DST: variants seen among roughly 807,000 people sequenced by gnomAD.
The protein encoded by DST is bullous pemphigoid antigen.
Under a neutral mutation model 875.2 loss-of-function variants are expected in DST, and 253 were observed. That is an observed-to-expected ratio of 0.29 (90% confidence interval 0.26 to 0.32). The LOEUF (loss-of-function observed/expected upper bound fraction) is 0.32. Among genes scored for constraint, DST ranks in the 10% least tolerant of loss-of-function variants. The pLI, the probability that DST is intolerant of heterozygous loss-of-function variation, is 1.00. For missense variants in DST, 8,287 were observed against 9,111.6 expected, an observed-to-expected ratio of 0.91 and a Z score of 3.68; for synonymous variants, 3,124 against 3,197.1, an observed-to-expected ratio of 0.98 and a Z score of 0.77.
At chr6:56,928,643 AT>A (rs1293321823) in intron 2 of DST, among the ~76,000 whole-genome samples, 6 of 152,214 alleles carry the variant, frequency 3.9e-5, no homozygotes, top group African/African-American at 1.4e-4. Flanking sequence ...ATATACAATA[AT>A]CACTATTTGC....
rs1447995870 is a variant in DST, at chr6:56,840,263, A to AG, written c.625+11133dup. ...ATATGGGTTAGTTTCCTTACACTTA[A>AG]GAAAAAAAATAAGATACTACTGTAT... On this transcript the variant is annotated intron_variant, in intron 4 of 103. Coordinates refer to ENST00000680361, the MANE Select transcript of DST (RefSeq NM_001374736.1). Among the ~76,000 whole-genome samples the AG allele has an allele frequency of 2.6e-5, 4 of 152,276 alleles. No individual in the cohort carries two copies. The East Asian group carries it at 7.7e-4, about 29-fold the overall frequency.
At position 56,471,278 on chromosome 6, in the gene DST, C is replaced by A. The variant is rs1287455499; in HGVS notation, c.22159-10G>T. Reference sequence around the variant, plus strand: ...TAGCAAATTCCCTCAGCTAAAAGGACAAAAAGTATTTTGATTGAGTTAATG... The same window carrying A: ...TAGCAAATTCCCTCAGCTAAAAGGAAAAAAAGTATTTTGATTGAGTTAATG... On this transcript the variant is annotated splice_polypyrimidine_tract_variant and intron_variant, in intron 94 of 103. Coordinates refer to ENST00000680361, the MANE Select transcript of DST (RefSeq NM_001374736.1). 6.4e-7 allele frequency: 1 copy of A among 1,565,048 alleles called. No individual in the cohort carries two copies. Among genetic ancestry groups the A allele is most frequent in the Admixed American group, 1.9e-5 (1 of 51,838 alleles).
At chr6:56,736,037 GT>G (rs560039474) in intron 4 of DST, among the ~76,000 whole-genome samples, 3 of 139,524 alleles carry the variant, frequency 2.2e-5, no homozygotes, top group South Asian at 2.1e-4. Flanking sequence ...TTTTTTGTTT[GT>G]TTTTTTTGTT....
chr6:56,570,977 A>T (rs781121216), intron 53 of DST, among the ~76,000 whole-genome samples: 1 of 152,210 alleles, frequency 6.6e-6, no homozygotes, highest in Admixed American at 6.5e-5. Context: ...ACGTTTATGG[A>T]TGGATAAACT....
intron 10 of DST, among the ~76,000 whole-genome samples, chr6:56,654,094 T>C (rs1165335440): frequency 6.6e-6 from 1 of 152,230 alleles, no homozygotes; most frequent in Admixed American, 6.5e-5. Flanking sequence ...GAACATTAAC[T>C]ATTGTAACTT....
At chr6:56,570,963 A>G (rs2097771775) in intron 53 of DST, among the ~76,000 whole-genome samples, 1 of 152,244 alleles carries the variant, frequency 6.6e-6, no homozygotes, top group African/African-American at 2.4e-5. Context: ...ACTATACTAC[A>G]GTCACGTTTA....
intron 3 of DST, among the ~76,000 whole-genome samples, chr6:56,884,612 C>T (rs1168454257): frequency 6.6e-6 from 1 of 151,962 alleles, no homozygotes; most frequent in Non-Finnish European, 1.5e-5. Flanking sequence ...GTAATTTCAT[C>T]ATTCCTTCTT....
At chr6:56,742,317 A>T (rs1329830819) in intron 4 of DST, 1 of 1,289,702 alleles carries the variant, frequency 7.8e-7, no homozygotes, top group East Asian at 5.5e-5. Context: ...AATCTTGATC[A>T]TTTTTCATGA....
intron 49 of DST, among the ~76,000 whole-genome samples, chr6:56,582,201 G>A (rs2098017178): frequency 6.7e-6 from 1 of 149,226 alleles, no homozygotes; most frequent in South Asian, 2.1e-4. Flanking sequence ...TATCACCCCT[G>A]ATATAGTTTG....
At chr6:56,933,735 T>C (rs1307422230) in intron 2 of DST, among the ~76,000 whole-genome samples, 1 of 152,112 alleles carries the variant, frequency 6.6e-6, no homozygotes, top group Non-Finnish European at 1.5e-5. Context: ...TGGGTCTTGT[T>C]TGAGTTTAAG....
intron 17 of DST, among the ~76,000 whole-genome samples, chr6:56,641,276 A>G (rs2098898372): frequency 6.6e-6 from 1 of 152,208 alleles, no homozygotes; most frequent in Non-Finnish European, 1.5e-5. Context: ...ACAGAAAACT[A>G]AAAAGCTGAA....
chr6:56,591,281 G>A (rs1325105713), intron 49 of DST, among the ~76,000 whole-genome samples: 1 of 152,204 alleles, frequency 6.6e-6, no homozygotes, highest in African/African-American at 2.4e-5. Flanking sequence ...CTGTATTTCT[G>A]AAAGAGCAGG....
chr6:56,866,013 G>A (rs1335348432), intron 3 of DST, among the ~76,000 whole-genome samples: 1 of 151,788 alleles, frequency 6.6e-6, no homozygotes. Context: ...TTGAGATGGA[G>A]TCTCACTCTG....
At chr6:56,588,629 T>G (rs1302560790) in intron 49 of DST, among the ~76,000 whole-genome samples, 1 of 152,238 alleles carries the variant, frequency 6.6e-6, no homozygotes, top group Non-Finnish European at 1.5e-5. Flanking sequence ...AATCAGCAAC[T>G]AAGTAAATAA....
chr6:56,554,684 CTG>C (rs1310995340), intron 60 of DST, among the ~76,000 whole-genome samples: 2 of 152,140 alleles, frequency 1.3e-5, no homozygotes, highest in Non-Finnish European at 2.9e-5. Context: ...AGGAATAAGT[CTG>C]AAACAGTTGC....
At position 56,598,710 on chromosome 6, in the gene DST, C is replaced by A; in HGVS notation, c.11695-1G>T. ...TTCCTTGCATATCTTTCTGTAATTCCTTATAACACAAAAGGAAAAAATATA... is the reference window on the plus strand; with the variant it reads ...TTCCTTGCATATCTTTCTGTAATTCATTATAACACAAAAGGAAAAAATATA... On this transcript the variant is annotated splice_acceptor_variant, in intron 45 of 103. Transcript: ENST00000680361. LOFTEE classifies it high-confidence loss of function. The A allele has an allele frequency of 6.5e-7, 1 of 1,534,278 alleles. No individual in the cohort carries two copies.
chr6:56,650,500 A>C (rs967276700), intron 12 of DST, among the ~76,000 whole-genome samples: 1 of 152,178 alleles, frequency 6.6e-6, no homozygotes, highest in Non-Finnish European at 1.5e-5. Context: ...CCTTTAAATC[A>C]CAAAAATGTT....
chr6:56,741,980 T>G (rs1448201110), intron 4 of DST, among the ~76,000 whole-genome samples: 1 of 152,142 alleles, frequency 6.6e-6, no homozygotes, highest in Non-Finnish European at 1.5e-5. Flanking sequence ...AGAGTACTGA[T>G]TATTACAATC....
At chr6:56,898,227 A>G (rs1189604935) in intron 3 of DST, among the ~76,000 whole-genome samples, 1 of 152,230 alleles carries the variant, frequency 6.6e-6, no homozygotes, top group African/African-American at 2.4e-5. Flanking sequence ...TCACTCTGAT[A>G]GGAAGGATCA....
Sources: allele counts gnomAD v4.1 joint callset (sites outside exome capture counted in the v4.1 genomes callset), GRCh38; gene constraint gnomAD v4.1.1; transcripts MANE v1.5; gene names NCBI Gene and HGNC (gene_info 2026-07-23, HGNC 2026-07-21).